DMXL1: variants seen among roughly 807,000 people sequenced by gnomAD.
DMXL1 encodes Dmx like 1.
Under a neutral mutation model 319.2 loss-of-function variants are expected in DMXL1, and 99 were observed. The observed-to-expected ratio is 0.31, with a 90% CI of 0.26 to 0.37. The LOEUF is 0.37. DMXL1 is among the 10% of genes least tolerant of loss of function. The probability of loss-of-function intolerance (pLI) is 1.00; values close to 1 mark genes in which losing one functional copy is unlikely to be tolerated. For synonymous variants in DMXL1, 1,385 were observed against 1,235.2 expected, an observed-to-expected ratio of 1.12 and a Z score of -2.54; for missense variants, 3,745 against 3,595.6, an observed-to-expected ratio of 1.04 and a Z score of -1.06.
chr5:119,140,147 T>C (rs1451602243), intron 13 of DMXL1, among the ~76,000 whole-genome samples: 1 of 152,142 alleles, frequency 6.6e-6, no homozygotes, highest in Non-Finnish European at 1.5e-5. Flanking sequence ...TTTATAGTAC[T>C]AAATGCCCAC....
chr5:119,141,350 C>T (rs1767300427), intron 13 of DMXL1, among the ~76,000 whole-genome samples: 1 of 152,098 alleles, frequency 6.6e-6, no homozygotes, highest in South Asian at 2.1e-4. Flanking sequence ...ATCTAGATAA[C>T]CCTATGTCTT....
At chr5:119,081,999 A>ATT (rs1752293621) in intron 1 of DMXL1, among the ~76,000 whole-genome samples, 14 of 60,962 alleles carry the variant, frequency 2.3e-4, no homozygotes, top group Non-Finnish European at 4.9e-4. Context: ...TCTTAAGGTT[A>ATT]TATATATATA....
At position 119,171,049 on chromosome 5, in the gene DMXL1, A is replaced by G. The variant is rs375257630; in HGVS notation, c.6258A>G (p.Ala2086=). 8 of 1,613,772 alleles carry G rather than the reference A, an allele frequency of 5.0e-6. No homozygotes were observed. Among genetic ancestry groups the G allele is most frequent in the African/African-American group, 2.7e-5 (2 of 74,880 alleles). Residue 2086 remains alanine, a synonymous_variant, in exon 24 of 44, where the codon GCA becomes GCG. Transcript: ENST00000539542. ...CAGATGCTGAAGAACTACAGTCTGCATTTGGCAGAAATGAAGATGAATTTG... is the reference window on the plus strand; with the variant it reads ...CAGATGCTGAAGAACTACAGTCTGCGTTTGGCAGAAATGAAGATGAATTTG... ...FCSDAEELQS[A]FGRNEDEFGL...
intron 41 of DMXL1, among the ~76,000 whole-genome samples, chr5:119,239,409 A>G (rs1022862344): frequency 6.6e-6 from 1 of 152,174 alleles, no homozygotes; most frequent in African/African-American, 2.4e-5. Context: ...TTGTAAGACT[A>G]TAGATTCTTC....
At chr5:119,095,562 A>T (rs575320661) in intron 1 of DMXL1, among the ~76,000 whole-genome samples, 1 of 152,224 alleles carries the variant, frequency 6.6e-6, no homozygotes, top group South Asian at 2.1e-4. Context: ...TTGTGAAGAC[A>T]TGAGTTTTTT....
At chr5:119,239,801 C>T (rs961189187) in intron 41 of DMXL1, among the ~76,000 whole-genome samples, 1 of 150,490 alleles carries the variant, frequency 6.6e-6, no homozygotes, top group African/African-American at 2.4e-5. Context: ...ACTAAAAATA[C>T]AAAAAATTAG....
At chr5:119,114,127 A>G (rs1467154660) in intron 5 of DMXL1, among the ~76,000 whole-genome samples, 2 of 152,226 alleles carry the variant, frequency 1.3e-5, no homozygotes, top group South Asian at 2.1e-4. Context: ...TATATTATCC[A>G]TGAAAATGTA....
At chr5:119,118,021 G>C (rs1294088568) in intron 7 of DMXL1, among the ~76,000 whole-genome samples, 2 of 152,198 alleles carry the variant, frequency 1.3e-5, no homozygotes, top group East Asian at 3.9e-4. Flanking sequence ...TGAATTCCCT[G>C]ATGGAAGGTA....
rs1297291225 is a variant in DMXL1 at position 119,101,941 on chromosome 5, G to A, written c.220G>A (p.Ala74Thr). ...DCSMQQGKIAASYGNVISIFE... is the reference protein window; with the variant it reads ...DCSMQQGKIATSYGNVISIFE... The stretch of plus-strand genomic sequence containing the variant: ...CTTTTTTTCTTTTTAAAAGATTGCA[G>A]CGTCTTATGGAAATGTTATCTCCAT... The change falls in exon 3 of 44, where the codon GCG (alanine) becomes ACG (threonine). Residue 74 changes from alanine (A) to threonine (T), a missense_variant. Coordinates refer to ENST00000539542, the MANE Select transcript of DMXL1 (RefSeq NM_001290321.3). The A allele has an allele frequency of 1.3e-6, 2 of 1,595,868 alleles. No individual in the cohort carries two copies. Among genetic ancestry groups the A allele is most frequent in the Admixed American group, 1.7e-5 (1 of 57,296 alleles).
At chr5:119,243,954 G>T (rs1430710139) in intron 42 of DMXL1, among the ~76,000 whole-genome samples, 3 of 152,150 alleles carry the variant, frequency 2.0e-5, no homozygotes, top group Non-Finnish European at 4.4e-5. Flanking sequence ...CAACTTACTT[G>T]GAAACAGTTG....
At chr5:119,097,352 G>A (rs535882226) in intron 1 of DMXL1, among the ~76,000 whole-genome samples, 1 of 152,206 alleles carries the variant, frequency 6.6e-6, no homozygotes, top group South Asian at 2.1e-4. Flanking sequence ...AAGAATGGAA[G>A]TTTGCTATTA....
chr5:119,205,287 A>T (rs1250767912), intron 33 of DMXL1, among the ~76,000 whole-genome samples: 2 of 152,192 alleles, frequency 1.3e-5, no homozygotes, highest in African/African-American at 2.4e-5. Flanking sequence ...TAGATTGTCT[A>T]GTTGATTCAG....
intron 25 of DMXL1, among the ~76,000 whole-genome samples, chr5:119,173,776 G>GTGTATGTATGTATA: frequency 1.5e-5 from 1 of 67,170 alleles, no homozygotes; most frequent in African/African-American, 5.6e-5. Flanking sequence ...ATGTGTGTGT[G>GTGTATGTATGTATA]TATATATATA....
chr5:119,175,196 G>A (rs1215793696), intron 25 of DMXL1, 65 bp from the exon 26 acceptor site: 7 of 1,218,752 alleles, frequency 5.7e-6, no homozygotes, highest in Non-Finnish European at 7.0e-6. Context: ...ATTATATTAG[G>A]TCTTGAAAAA....
chr5:119,138,998 C>G (rs1766657912), intron 13 of DMXL1: 2 of 152,022 alleles, frequency 1.3e-5, no homozygotes, highest in Admixed American at 1.3e-4. Context: ...ATTCAACATC[C>G]TTAAAGAAAA....
At chr5:119,173,850 A>G (rs1478269710) in intron 25 of DMXL1, among the ~76,000 whole-genome samples, 1 of 145,958 alleles carries the variant, frequency 6.9e-6, no homozygotes, top group South Asian at 2.2e-4. Context: ...TTGGAGGCTG[A>G]AAAGTCCCAA....
intron 19 of DMXL1, among the ~76,000 whole-genome samples, chr5:119,164,189 T>G (rs1388714544): frequency 6.6e-6 from 1 of 151,778 alleles, no homozygotes; most frequent in Non-Finnish European, 1.5e-5. Context: ...GACAGAAATA[T>G]ATCAACATAA....
At chr5:119,206,979 T>C in intron 34 of DMXL1, 83 bp downstream of exon 34, 1 of 802,286 alleles carries the variant, frequency 1.2e-6, no homozygotes, top group Non-Finnish European at 2.0e-6. Flanking sequence ...TTTAAACTGG[T>C]CTTTGTTTCC....
rs1790075756 is a variant in DMXL1, at chr5:119,248,099, AAAG to A, written c.*881_*883del. 6.6e-6 allele frequency: 1 copy of A among 152,188 alleles called. No individual in the cohort carries two copies. Among genetic ancestry groups the A allele is most frequent in the Non-Finnish European group, 1.5e-5 (1 of 67,966 alleles). 9.4% of individuals were successfully genotyped at this position (152,188 alleles called of 1,614,324 possible). A position where few individuals can be genotyped will look rare whatever the true frequency, so the allele number is the denominator to read the frequency against. ...GTGGCATATATCATGTAAGACACTT[AAAG>A]TAAGTTTGTGAATTTGTCAACTTTC... On this transcript the variant is annotated 3_prime_UTR_variant, in exon 44 of 44. Transcript: ENST00000539542.
Sources: allele counts gnomAD v4.1 joint callset (sites outside exome capture counted in the v4.1 genomes callset), GRCh38; gene constraint gnomAD v4.1.1; transcripts MANE v1.5; gene names NCBI Gene and HGNC (gene_info 2026-07-23, HGNC 2026-07-21).